Variants in PPFIA2 observed in about 807,000 individuals in gnomAD.
PPFIA2 encodes the protein liprin-alpha-2.
In PPFIA2, 46 loss-of-function variants were observed where a neutral mutation model predicts 175.5. The observed-to-expected ratio is 0.26, with a 90% CI of 0.21 to 0.34. The LOEUF is 0.34. PPFIA2 is among the 10% of genes least tolerant of loss of function. The pLI is 1.00. For missense variants in PPFIA2, 1,179 were observed against 1,506.1 expected (o/e 0.78, Z 3.60); for synonymous variants, 568 against 511.4 (o/e 1.11, Z -1.49).
intron 4 of PPFIA2, among the ~76,000 whole-genome samples, chr12:81,638,824 A>T (rs1431446095): frequency 5.4e-5 from 8 of 147,552 alleles, no homozygotes; most frequent in Non-Finnish European, 1.2e-4. Flanking sequence ...AGTAGCTGGG[A>T]CTACAGGCGC....
intron 8 of PPFIA2, among the ~76,000 whole-genome samples, chr12:81,399,348 A>G (rs369862803): frequency 6.6e-6 from 1 of 151,656 alleles, no homozygotes; most frequent in South Asian, 2.1e-4. Flanking sequence ...TGGCTAATAC[A>G]AATGATACTT....
intron 4 of PPFIA2, among the ~76,000 whole-genome samples, chr12:81,494,034 C>A (rs1251885347): frequency 6.6e-6 from 1 of 151,806 alleles, no homozygotes; most frequent in Admixed American, 6.6e-5. Context: ...CAGGCATGGG[C>A]AAGGACTTCA....
chr12:81,537,681 G>T (rs1187638954), intron 4 of PPFIA2, among the ~76,000 whole-genome samples: 1 of 151,760 alleles, frequency 6.6e-6, no homozygotes, highest in African/African-American at 2.4e-5. Context: ...ATATCAAGAC[G>T]TATTTTAAGA....
chr12:81,405,679 A>C (rs1398571576), intron 8 of PPFIA2, 108 bp downstream of exon 8: 1 of 644,512 alleles, frequency 1.6e-6, no homozygotes, highest in Non-Finnish European at 2.6e-6. Flanking sequence ...CTTTGACCAA[A>C]GAATCAACAA....
chr12:81,259,562 G>A lies in PPFIA2; in HGVS notation c.*132C>T, dbSNP rs561923456. 3.0e-5 allele frequency: 42 copies of A among 1,408,072 alleles called. No homozygotes were observed. The highest frequency in any genetic ancestry group is 3.5e-4 in the Middle Eastern group (2 of 5,712). The allele number at this position is 1,408,072 out of a possible 1,614,324, so 87.2% of individuals were successfully genotyped here. ...TTTTCAGCTTTTAATAAGTCATGACGTCATTATTTCCTTAGAATTCAGTTT... is the reference window on the plus strand; with the variant it reads ...TTTTCAGCTTTTAATAAGTCATGACATCATTATTTCCTTAGAATTCAGTTT... On this transcript the variant is annotated 3_prime_UTR_variant, in exon 33 of 33. Transcript: ENST00000549396.
intron 2 of PPFIA2, among the ~76,000 whole-genome samples, chr12:81,756,195 G>A (rs2084626953): frequency 6.6e-6 from 1 of 152,074 alleles, no homozygotes; most frequent in Non-Finnish European, 1.5e-5. Context: ...TACTGGGAGA[G>A]CAAATCATAG....
intron 4 of PPFIA2, among the ~76,000 whole-genome samples, chr12:81,597,254 G>A (rs1446870455): frequency 6.6e-6 from 1 of 152,016 alleles, no homozygotes; most frequent in Non-Finnish European, 1.5e-5. Flanking sequence ...ATCTAGTTTA[G>A]ACTTAGCCAT....
rs1555549079 is a variant in PPFIA2, at chr12:81,642,669, A to ATG, written c.303+34121_303+34122insCA. On this transcript the variant is annotated intron_variant, in intron 4 of 32. Transcript: ENST00000549396. ...ATACATGTATGTATCTATTATATAC[A>ATG]TACATGTATGTATCTATTATATACA... 1.3e-4 allele frequency among the ~76,000 whole-genome samples: 14 copies of ATG among 106,226 alleles called. 4 individuals carry two copies. The highest frequency in any genetic ancestry group is 4.6e-4 in the African/African-American group (13 of 28,222). 69.7% of individuals were successfully genotyped at this position (106,226 alleles called of 152,430 possible).
chr12:81,616,631 T>C (rs768925688), intron 4 of PPFIA2, among the ~76,000 whole-genome samples: 3 of 152,242 alleles, frequency 2.0e-5, no homozygotes, highest in Non-Finnish European at 4.4e-5. Context: ...GAATTAAATT[T>C]ATTACATCAT....
At chr12:81,451,699 T>A (rs117901275) in intron 5 of PPFIA2, among the ~76,000 whole-genome samples, 3,917 of 152,282 alleles carry the variant, frequency 0.026, 85 homozygotes, top group Non-Finnish European at 0.037. Context: ...TTATCCCCAA[T>A]ACCAAGGAAA....
chr12:81,267,514 C>T (rs1465937710), intron 29 of PPFIA2, among the ~76,000 whole-genome samples: 1 of 152,064 alleles, frequency 6.6e-6, no homozygotes, highest in Non-Finnish European at 1.5e-5. Context: ...TCATAAGGAA[C>T]TATACTGATT....
intron 3 of PPFIA2, among the ~76,000 whole-genome samples, chr12:81,734,060 T>A (rs1295392076): frequency 6.6e-6 from 1 of 151,778 alleles, no homozygotes; most frequent in African/African-American, 2.4e-5. Flanking sequence ...CAGAAGATAA[T>A]CAGCACCTGT....
At chr12:81,622,873 C>A (rs2062224934) in intron 4 of PPFIA2, among the ~76,000 whole-genome samples, 1 of 151,946 alleles carries the variant, frequency 6.6e-6, no homozygotes, top group Admixed American at 6.6e-5. Context: ...CCTTTAGCAA[C>A]AATTTGAAGT....
chr12:81,677,029 C>T (rs2072660940), intron 3 of PPFIA2, among the ~76,000 whole-genome samples, 185 bp from the exon 4 acceptor site: 1 of 151,918 alleles, frequency 6.6e-6, no homozygotes, highest in African/African-American at 2.4e-5. Flanking sequence ...TAGATATTCT[C>T]TCCAACTCTG....
rs190136636 is a variant in PPFIA2, at chr12:81,599,537, C to T, written c.303+77254G>A. ...TAATTTCTGATTTATAGAAAATCTG[C>T]AAAGAAAGTACAGAGAATTCCTGTA... On this transcript the variant is annotated intron_variant, in intron 4 of 32. Transcript: ENST00000549396. Among the ~76,000 whole-genome samples, 385 of 152,014 alleles carry T rather than the reference C, an allele frequency of 2.5e-3. 1 individual carries two copies. Among genetic ancestry groups the T allele is most frequent in the African/African-American group, 8.7e-3 (361 of 41,548 alleles).
intron 4 of PPFIA2, among the ~76,000 whole-genome samples, chr12:81,568,290 C>T (rs912542543): frequency 6.6e-6 from 1 of 152,144 alleles, no homozygotes; most frequent in Non-Finnish European, 1.5e-5. Context: ...GAGTCAGAGG[C>T]CTAGAATGTG....
intron 4 of PPFIA2, among the ~76,000 whole-genome samples, chr12:81,514,449 C>T: frequency 6.6e-6 from 1 of 151,844 alleles, no homozygotes; most frequent in East Asian, 1.9e-4. Flanking sequence ...ATCATCTGAG[C>T]AAATGAATTA....
chr12:81,672,938 A>C (rs906184089), intron 4 of PPFIA2, among the ~76,000 whole-genome samples: 4 of 152,044 alleles, frequency 2.6e-5, no homozygotes, highest in Non-Finnish European at 5.9e-5. Flanking sequence ...AATAATAAGA[A>C]AGTAAATAGC....
chr12:81,544,780 C>T (rs574412087), intron 4 of PPFIA2, among the ~76,000 whole-genome samples: 2 of 152,206 alleles, frequency 1.3e-5, no homozygotes, highest in East Asian at 1.9e-4. Flanking sequence ...CTTCTAGATG[C>T]TTATTTTCTA....
Sources: gnomAD v4.1 joint callset for allele counts (sites outside exome capture counted in the v4.1 genomes callset) on GRCh38, gnomAD v4.1.1 for gene constraint, MANE v1.5 for transcripts, NCBI Gene and HGNC (gene_info 2026-07-23, HGNC 2026-07-21) for gene names.